The following ZNF407 variants were observed in gnomAD, a reference collection of about 807,000 sequenced individuals.
ZNF407 encodes zinc finger protein 407.
In ZNF407, 17 loss-of-function variants were observed where a neutral mutation model predicts 131.2. The observed-to-expected ratio is 0.13, with a 90% CI of 0.09 to 0.19. The LOEUF (loss-of-function observed/expected upper bound fraction) is 0.19. Ranked by LOEUF, ZNF407 falls within the 10% of genes least tolerant of loss-of-function variation. The probability of loss-of-function intolerance (pLI) is 1.00; values close to 1 mark genes in which losing one functional copy is unlikely to be tolerated. For missense variants in ZNF407, 2,681 were observed against 2,830.6 expected, an observed-to-expected ratio of 0.95 and a Z score of 1.20; for synonymous variants, 1,156 against 1,062.0, an observed-to-expected ratio of 1.09 and a Z score of -1.72.
chr18:74,615,907 G>T (rs141523262), intron 1 of ZNF407, among the ~76,000 whole-genome samples: 1 of 151,634 alleles, frequency 6.6e-6, no homozygotes, highest in Non-Finnish European at 1.5e-5. Flanking sequence ...CTTTTTGTCC[G>T]GGCTGGAGTG....
intron 3 of ZNF407, among the ~76,000 whole-genome samples, chr18:74,695,754 A>G (rs372090525): frequency 4.5e-4 from 69 of 152,054 alleles, no homozygotes; most frequent in African/African-American, 1.3e-3. Context: ...CTTCCCCATG[A>G]TTTTGTTCTA....
At chr18:74,657,203 C>T (rs1462403677) in intron 3 of ZNF407, among the ~76,000 whole-genome samples, 1 of 150,936 alleles carries the variant, frequency 6.6e-6, no homozygotes. Context: ...AGTTCAAGCC[C>T]GTGGAAACTA....
intron 6 of ZNF407, among the ~76,000 whole-genome samples, 167 bp from the exon 7 acceptor site, chr18:74,889,751 T>C (rs146988246): frequency 2.0e-5 from 3 of 152,238 alleles, no homozygotes; most frequent in African/African-American, 7.2e-5. Context: ...TCTAATTTTC[T>C]CACTCTGAGA....
intron 8 of ZNF407, among the ~76,000 whole-genome samples, chr18:75,013,203 G>A (rs902433019): frequency 2.0e-5 from 3 of 152,154 alleles, no homozygotes; most frequent in African/African-American, 4.8e-5. Context: ...AAAGAGATGC[G>A]GTGACATGTG....
At chr18:74,933,304 T>C (rs900844702) in intron 8 of ZNF407, among the ~76,000 whole-genome samples, 12 of 152,202 alleles carry the variant, frequency 7.9e-5, no homozygotes, top group African/African-American at 2.9e-4. Flanking sequence ...ATGGCTTACA[T>C]TGATAAGTAT....
chr18:74,840,065 T>G (rs1374118117), intron 4 of ZNF407, among the ~76,000 whole-genome samples: 1 of 152,128 alleles, frequency 6.6e-6, no homozygotes, highest in Non-Finnish European at 1.5e-5. Flanking sequence ...ATACTCTTAC[T>G]TTAGAACTGT....
At position 75,065,522 on chromosome 18, in the gene ZNF407, G is replaced by A. The variant is rs1007008918; in HGVS notation, c.*1054G>A. ...TCCTCGTGGATTCACTGCAGCTGTC[G>A]GATGCGAGTTTCTGTCATAATCATT... On this transcript the variant is annotated 3_prime_UTR_variant, in exon 9 of 9. Transcript: ENST00000299687. 6.6e-6 allele frequency: 1 copy of A among 152,214 alleles called. No homozygotes were observed. The highest frequency in any genetic ancestry group is 2.4e-5 in the African/African-American group (1 of 41,450). 9.4% of individuals were successfully genotyped at this position (152,214 alleles called of 1,614,324 possible). A position where few individuals can be genotyped will look rare whatever the true frequency, so the allele number is the denominator to read the frequency against.
At chr18:75,040,222 C>G (rs186410819) in intron 8 of ZNF407, among the ~76,000 whole-genome samples, 1 of 152,196 alleles carries the variant, frequency 6.6e-6, no homozygotes, top group East Asian at 1.9e-4. Context: ...GAATTTTTGT[C>G]ACAGTCATGA....
At chr18:74,613,357 G>C (rs1417713191) in intron 1 of ZNF407, among the ~76,000 whole-genome samples, 1 of 152,058 alleles carries the variant, frequency 6.6e-6, no homozygotes. Flanking sequence ...GTCACTCCTT[G>C]AACTTAACAT....
At chr18:74,866,645 C>G (rs1459933448) in intron 4 of ZNF407, among the ~76,000 whole-genome samples, 1 of 151,728 alleles carries the variant, frequency 6.6e-6, no homozygotes, top group African/African-American at 2.4e-5. Context: ...CTATGAAACA[C>G]TTCTGGGTAT....
At chr18:74,855,395 G>A (rs1033485438) in intron 4 of ZNF407, among the ~76,000 whole-genome samples, 1 of 151,958 alleles carries the variant, frequency 6.6e-6, no homozygotes, top group African/African-American at 2.4e-5. Context: ...TTTAACAGTC[G>A]TTGGAAGATA....
intron 4 of ZNF407, among the ~76,000 whole-genome samples, chr18:74,822,523 C>A (rs888213156): frequency 6.6e-6 from 1 of 152,154 alleles, no homozygotes; most frequent in East Asian, 1.9e-4. Context: ...AAATAGGGAA[C>A]CTTTTCCCCA....
chr18:74,759,075 A>G (rs1969032011), intron 3 of ZNF407, among the ~76,000 whole-genome samples: 2 of 151,928 alleles, frequency 1.3e-5, no homozygotes, highest in African/African-American at 4.8e-5. Context: ...GTGTGTCTTC[A>G]TATCTCCTTT....
At chr18:75,061,866 CT>C (rs1257864998) in intron 8 of ZNF407, 2 of 152,406 alleles carry the variant, frequency 1.3e-5, no homozygotes, top group Non-Finnish European at 2.9e-5. Context: ...CACCACGGGG[CT>C]TATGGTATCT....
intron 7 of ZNF407, among the ~76,000 whole-genome samples, chr18:74,891,154 G>C (rs998297811): frequency 6.6e-6 from 1 of 152,192 alleles, no homozygotes; most frequent in Non-Finnish European, 1.5e-5. Context: ...TTGCAGCCAG[G>C]TCACATTGTG....
Position 75,064,388 on chromosome 18 carries a change from G to A in ZNF407, c.6667G>A (p.Val2223Ile). ...PSRAEQLASVVIYTQEGSSAA... is the reference protein window; with the variant it reads ...PSRAEQLASVIIYTQEGSSAA... ...CAGGGCAGAGCAGCTGGCCAGCGTG[G>A]TCATCTACACCCAGGAGGGCTCCTC... The change falls in exon 9 of 9, where the codon GTC becomes ATC. Residue 2223 changes from valine (V) to isoleucine (I), a missense_variant. Transcript: ENST00000299687. 1 of 1,568,784 alleles carries A rather than the reference G, an allele frequency of 6.4e-7. No individual in the cohort carries two copies. Among genetic ancestry groups the A allele is most frequent in the African/African-American group, 1.4e-5 (1 of 73,920 alleles).
At chr18:74,770,258 G>A (rs1006949584) in intron 3 of ZNF407, among the ~76,000 whole-genome samples, 2 of 152,032 alleles carry the variant, frequency 1.3e-5, no homozygotes, top group Non-Finnish European at 1.5e-5. Context: ...AATTAGCTGG[G>A]TGTGGTATGC....
chr18:74,859,989 C>A (rs1229331170), intron 4 of ZNF407, among the ~76,000 whole-genome samples: 1 of 152,162 alleles, frequency 6.6e-6, no homozygotes, highest in Middle Eastern at 3.2e-3. Flanking sequence ...CCCTTCATGG[C>A]TACTGCCTAG....
In ZNF407 at chr18:74,633,246, T is replaced by A. The variant is rs1384736095; in HGVS notation, c.2227T>A (p.Ser743Thr). 5 of 1,613,752 alleles carry A rather than the reference T, an allele frequency of 3.1e-6. No individual in the cohort carries two copies. In the Admixed American group the frequency reaches 8.3e-5, roughly 27 times the overall value. The change falls in exon 2 of 9, where the codon TCA becomes ACA. Residue 743 changes from serine to threonine, a missense_variant. This residue lies in a region of ZNF407 where 1,789 missense variants were observed against 1,748.7 expected (regional missense o/e 1.02). Transcript: ENST00000299687. ...HFLCKACNLY[S>T]LSKEGMEKHI... ...TCTTTGTAAAGCTTGTAATCTTTAT[T>A]CATTGAGCAAAGAAGGAATGGAGAA...
Sources: allele counts gnomAD v4.1 joint callset (sites outside exome capture counted in the v4.1 genomes callset), GRCh38; gene constraint gnomAD v4.1.1; regional missense constraint gnomAD v4.1.1; transcripts MANE v1.5; gene names NCBI Gene and HGNC (gene_info 2026-07-23, HGNC 2026-07-21).